Variants in KDF1 observed in about 807,000 individuals in gnomAD.
The protein encoded by KDF1 is RP11-344H11.3.
KDF1 carries 11 observed loss-of-function variants against 31.6 expected under a neutral mutation model. That is an observed-to-expected ratio of 0.35 (90% CI 0.22 to 0.58). The LOEUF (loss-of-function observed/expected upper bound fraction) is 0.58, where lower values mean the gene tolerates loss of function less well. Ranked by LOEUF, KDF1 falls within the 20% of genes least tolerant of loss-of-function variation. The pLI, the probability that KDF1 is intolerant of heterozygous loss-of-function variation, is 0.83. For missense variants in KDF1, 476 were observed against 549.1 expected (o/e 0.87, Z 1.33); for synonymous variants, 205 against 214.4 (o/e 0.96, Z 0.38).
chr1:26,951,851 G>T lies in KDF1; in HGVS notation c.530C>A (p.Ala177Asp), dbSNP rs765356214. ...GTCCGCATCAGGGGCTGGGGAGGTG[G>T]CCCTCGGGTAGGGATACACAGGGAT... ...KGIPVYPYPR[A>D]TSPAPDADSC... Residue 177 changes from alanine (A) to aspartate (D), a missense_variant, in exon 2 of 4, where the codon GCC becomes GAC. Coordinates refer to ENST00000320567, the MANE Select transcript of KDF1 (RefSeq NM_152365.3). This position sits in a 1 kb window ranked among gnomAD's most constrained non-coding sequence, Gnocchi z 5.4. The T allele has an allele frequency of 1.2e-6, 2 of 1,613,840 alleles. No individual in the cohort carries two copies. Among genetic ancestry groups the T allele is most frequent in the African/African-American group, 2.7e-5 (2 of 74,910 alleles).
chr1:26,959,584 GC>G (rs2082391643), intron 1 of KDF1, among the ~76,000 whole-genome samples: 1 of 152,104 alleles, frequency 6.6e-6, no homozygotes, highest in Non-Finnish European at 1.5e-5. Flanking sequence ...GCGATCTAAG[GC>G]ACCGCAAGGA....
In KDF1 at chr1:26,949,981, C is replaced by A; in HGVS notation, c.*88G>T. 7.2e-7 allele frequency: 1 copy of A among 1,384,720 alleles called. No homozygotes were observed. Among genetic ancestry groups the A allele is most frequent in the Non-Finnish European group, 1.0e-6 (1 of 987,158 alleles). 85.8% of individuals were successfully genotyped at this position (1,384,720 alleles called of 1,614,324 possible). ...GAGTGGGCACTGCTTCAGGTCTAAGCCTCTCCCACAGGGGTTCCTGGTCCC... is the reference window on the plus strand; with the variant it reads ...GAGTGGGCACTGCTTCAGGTCTAAGACTCTCCCACAGGGGTTCCTGGTCCC... On this transcript the variant is annotated 3_prime_UTR_variant, in exon 4 of 4. Transcript: ENST00000320567.
At chr1:26,953,085 C>T (rs1348391386) in intron 1 of KDF1, among the ~76,000 whole-genome samples, 1 of 152,156 alleles carries the variant, frequency 6.6e-6, no homozygotes, top group Non-Finnish European at 1.5e-5. Context: ...GGATTGTATA[C>T]ATTATACTTA....
In KDF1 at chr1:26,951,230, G is replaced by A; in HGVS notation, c.1039+112C>T. 1.8e-6 allele frequency: 2 copies of A among 1,126,090 alleles called. No individual in the cohort carries two copies. Among genetic ancestry groups the A allele is most frequent in the Non-Finnish European group, 2.4e-6 (2 of 816,344 alleles). The allele number at this position is 1,126,090 out of a possible 1,614,324, so 69.8% of individuals were successfully genotyped here. A position where few individuals can be genotyped will look rare whatever the true frequency, so the allele number is the denominator to read the frequency against. The stretch of plus-strand genomic sequence containing the variant: ...AGAGTTGACAGAAAGGAGGAGGAAA[G>A]GCAGGGACTGGCTGAGGGGTAGACC... On this transcript the variant is annotated intron_variant, in intron 2 of 3. Transcript: ENST00000320567. This position sits in a 1 kb window ranked among gnomAD's most constrained non-coding sequence, Gnocchi z 5.4.
chr1:26,953,391 C>T (rs764711116), intron 1 of KDF1, among the ~76,000 whole-genome samples: 9 of 152,308 alleles, frequency 5.9e-5, no homozygotes, highest in South Asian at 2.1e-4. Flanking sequence ...AATTACCACA[C>T]GACCCAGCAA....
intron 1 of KDF1, among the ~76,000 whole-genome samples, chr1:26,958,228 C>A (rs2082386005): frequency 6.7e-6 from 1 of 149,520 alleles, no homozygotes; most frequent in African/African-American, 2.5e-5. Context: ...ACCTCTGCCT[C>A]CCGGGTGCAA....
rs138278124 is a variant in KDF1 at position 26,957,128 on chromosome 1, G to T, written c.-33+3222C>A. Among the ~76,000 whole-genome samples the T allele has an allele frequency of 9.9e-5, 15 of 152,208 alleles. No individual in the cohort carries two copies. The South Asian group carries it at 1.2e-3, about 13-fold the overall frequency. On this transcript the variant is annotated intron_variant, in intron 1 of 3. Transcript: ENST00000320567. ...TTGTTTTGTTTTTTGGTAGAAATGG[G>T]ATCTTGCTATGTTGCTCAGGTGGTC...
At chr1:26,958,539 AAGTAC>A (rs2082387455) in intron 1 of KDF1, among the ~76,000 whole-genome samples, 1 of 152,228 alleles carries the variant, frequency 6.6e-6, no homozygotes, top group African/African-American at 2.4e-5. Flanking sequence ...ACACTGTTCT[AAGTAC>A]TTCAGACATA....
chr1:26,957,085 C>T (rs2082380319), intron 1 of KDF1, among the ~76,000 whole-genome samples: 1 of 152,096 alleles, frequency 6.6e-6, no homozygotes, highest in East Asian at 1.9e-4. Context: ...TACCACCCTG[C>T]CCCACTAGTT....
chr1:26,955,222 G>T (rs1036297420), intron 1 of KDF1, among the ~76,000 whole-genome samples: 1 of 152,030 alleles, frequency 6.6e-6, no homozygotes, highest in African/African-American at 2.4e-5. Context: ...CTGTGAAGTG[G>T]TTTCCCCCAG....
In KDF1 at chr1:26,951,703, C is replaced by T. The variant is rs2124156476; in HGVS notation, c.678G>A (p.Leu226=). 1 of 1,613,926 alleles carries T rather than the reference C, an allele frequency of 6.2e-7. No individual in the cohort carries two copies. Among genetic ancestry groups the T allele is most frequent in the Non-Finnish European group, 8.5e-7 (1 of 1,180,034 alleles). Residue 226 remains leucine, a synonymous_variant, in exon 2 of 4, where the codon CTG becomes CTA. Transcript: ENST00000320567. This position sits in a 1 kb window ranked among gnomAD's most constrained non-coding sequence, Gnocchi z 5.4. Reference sequence around the variant, plus strand: ...ACATGGAGCCACTGCCCATCTCCGGCAGGTCCAGGTCCGACTCATGGAAAG... The same window carrying T: ...ACATGGAGCCACTGCCCATCTCCGGTAGGTCCAGGTCCGACTCATGGAAAG... ...YYSFHESDLD[L]PEMGSGSMSS...
At position 26,960,362 on chromosome 1, in the gene KDF1, G is replaced by A. The variant is rs1439185818; in HGVS notation, c.-45C>T. 2 of 152,194 alleles carry A rather than the reference G, an allele frequency of 1.3e-5. No homozygotes were observed. Among genetic ancestry groups the A allele is most frequent in the African/African-American group, 4.8e-5 (2 of 41,456 alleles). 9.4% of individuals were successfully genotyped at this position (152,194 alleles called of 1,614,324 possible). A position where few individuals can be genotyped will look rare whatever the true frequency, so the allele number is the denominator to read the frequency against. ...GCGCCGGGCTTACCTGTCCCGCCAG[G>A]TGAGCCGCCTCCGGCTCAGCCCCTC... On this transcript the variant is annotated 5_prime_UTR_variant, in exon 1 of 4. Transcript: ENST00000320567. This position sits in a 1 kb window ranked among gnomAD's most constrained non-coding sequence, Gnocchi z 4.9.
intron 1 of KDF1, among the ~76,000 whole-genome samples, chr1:26,957,555 T>G (rs1448006286): frequency 6.6e-6 from 1 of 152,092 alleles, no homozygotes; most frequent in Non-Finnish European, 1.5e-5. Context: ...CCAGCGCCAC[T>G]GGGTACAAAG....
In KDF1 at chr1:26,952,945, T is replaced by C. The variant is rs1254554229; in HGVS notation, c.-32-533A>G. Among the ~76,000 whole-genome samples the C allele has an allele frequency of 6.6e-6, 1 of 151,234 alleles. No individual in the cohort carries two copies. The highest frequency in any genetic ancestry group is 1.5e-5 in the Non-Finnish European group (1 of 67,862). ...GTTGCAGTGAGCCAAGATCACGCCA[T>C]TGCACTCCAGCCTGGGCAACAGGGC... On this transcript the variant is annotated intron_variant, in intron 1 of 3. Coordinates refer to ENST00000320567, the MANE Select transcript of KDF1 (RefSeq NM_152365.3). The surrounding 1 kb of genome is among the most constrained non-coding windows in gnomAD (Gnocchi z 4.1).
rs1008779709 is a variant in KDF1, at chr1:26,950,912, T to C, written c.1040-156A>G. Among the ~76,000 whole-genome samples, 4 of 152,158 alleles carry C rather than the reference T, an allele frequency of 2.6e-5. No individual in the cohort carries two copies. Among genetic ancestry groups the C allele is most frequent in the African/African-American group, 9.7e-5 (4 of 41,432 alleles). ...GACAGAGACATAGACAACGTGTGCA[T>C]GCGCAGAGTGATGGATGAGTGGGAG... On this transcript the variant is annotated intron_variant, in intron 2 of 3. Coordinates refer to ENST00000320567, the MANE Select transcript of KDF1 (RefSeq NM_152365.3). The surrounding 1 kb of genome is among the most constrained non-coding windows in gnomAD (Gnocchi z 4.0).
chr1:26,952,046 C>G lies in KDF1; in HGVS notation c.335G>C (p.Cys112Ser), dbSNP rs1418453799. Residue 112 changes from cysteine to serine, a missense_variant, in exon 2 of 4, where the codon TGC becomes TCC. By Grantham distance (112) the Cys-to-Ser change is moderately radical (BLOSUM62 -1). This residue lies in a region of KDF1 where 330 missense variants were observed against 332.3 expected (regional missense o/e 0.99). Transcript: ENST00000320567. The surrounding 1 kb of genome is among the most constrained non-coding windows in gnomAD (Gnocchi z 4.1). ...CTCAGTGGAGTCCTCAGTAGACAGG[C>G]AGGGGCTGCATCCCCGCACACAGGC... ...CGACVRGCSP[C>S]LSTEDSTEGT... The G allele has an allele frequency of 1.2e-6, 2 of 1,613,326 alleles. No homozygotes were observed. The highest frequency in any genetic ancestry group is 2.7e-5 in the African/African-American group (2 of 74,918).
At position 26,950,914 on chromosome 1, in the gene KDF1, C is replaced by T. The variant is rs574555206; in HGVS notation, c.1040-158G>A. Among the ~76,000 whole-genome samples the T allele has an allele frequency of 6.6e-6, 1 of 152,168 alleles. No individual in the cohort carries two copies. Among genetic ancestry groups the T allele is most frequent in the African/African-American group, 2.4e-5 (1 of 41,438 alleles). On this transcript the variant is annotated intron_variant, in intron 2 of 3. Transcript: ENST00000320567. The surrounding 1 kb of genome is among the most constrained non-coding windows in gnomAD (Gnocchi z 4.0). Reference sequence around the variant, plus strand: ...CAGAGACATAGACAACGTGTGCATGCGCAGAGTGATGGATGAGTGGGAGTT... The same window carrying T: ...CAGAGACATAGACAACGTGTGCATGTGCAGAGTGATGGATGAGTGGGAGTT...
rs1323600765 is a variant in KDF1, at chr1:26,949,993, G to A, written c.*76C>T. The A allele has an allele frequency of 1.4e-6, 2 of 1,467,354 alleles. No homozygotes were observed. Among genetic ancestry groups the A allele is most frequent in the Non-Finnish European group, 1.9e-6 (2 of 1,054,076 alleles). The allele number at this position is 1,467,354 out of a possible 1,614,324, so 90.9% of individuals were successfully genotyped here. A position where few individuals can be genotyped will look rare whatever the true frequency, so the allele number is the denominator to read the frequency against. On this transcript the variant is annotated 3_prime_UTR_variant, in exon 4 of 4. Transcript: ENST00000320567. Reference sequence around the variant, plus strand: ...CTTCAGGTCTAAGCCTCTCCCACAGGGGTTCCTGGTCCCCCTCTTCATTCT... The same window carrying A: ...CTTCAGGTCTAAGCCTCTCCCACAGAGGTTCCTGGTCCCCCTCTTCATTCT...
At position 26,951,768 on chromosome 1, in the gene KDF1, T is replaced by C. The variant is rs145994096; in HGVS notation, c.613A>G (p.Thr205Ala). ...PPPMRHSLPS[T>A]FASSPRGSEE... Reference sequence around the variant, plus strand: ...GAGCCACGAGGACTACTGGCAAAGGTGCTGGGCAGGCTGTGTCGCATGGGT... The same window carrying C: ...GAGCCACGAGGACTACTGGCAAAGGCGCTGGGCAGGCTGTGTCGCATGGGT... Residue 205 changes from threonine to alanine, a missense_variant, in exon 2 of 4, where the codon ACC (threonine) becomes GCC (alanine). Thr to Ala is a moderately conservative substitution (Grantham distance 58). Around this residue, in one of 2 missense-constraint regions of KDF1, gnomAD observed 330 missense variants for 332.3 expected, o/e 0.99. Coordinates refer to ENST00000320567, the MANE Select transcript of KDF1 (RefSeq NM_152365.3). The surrounding 1 kb of genome is among the most constrained non-coding windows in gnomAD (Gnocchi z 5.4). 500 of 1,613,988 alleles carry C rather than the reference T, an allele frequency of 3.1e-4. 3 individuals are homozygous for C. The highest frequency in any genetic ancestry group is 2.3e-3 in the Middle Eastern group (14 of 6,062).
Sources: gnomAD v4.1 joint callset for allele counts (sites outside exome capture counted in the v4.1 genomes callset) on GRCh38, gnomAD v4.1.1 for gene constraint, gnomAD v4.1.1 regional missense constraint, Gnocchi (gnomAD v3.1) non-coding constraint, MANE v1.5 for transcripts, NCBI Gene and HGNC (gene_info 2026-07-23, HGNC 2026-07-21) for gene names.